Variants in UBAP1L observed in about 807,000 individuals in gnomAD.
UBAP1L encodes the protein ubiquitin-associated protein 1-like.
In UBAP1L, 32 loss-of-function variants were observed where a neutral mutation model predicts 32.1. The ratio of observed to expected loss-of-function variants is 1.00; its 90% CI spans 0.75 to 1.34. The LOEUF (loss-of-function observed/expected upper bound fraction) is 1.34, where lower values mean the gene tolerates loss of function less well. Ranked by LOEUF, UBAP1L falls within the 40% of genes most tolerant of loss-of-function variation. UBAP1L has a pLI of 0.00. For missense variants in UBAP1L, 516 were observed against 540.5 expected (o/e 0.95, Z 0.45); for synonymous variants, 243 against 250.2 (o/e 0.97, Z 0.27).
intron 2 of UBAP1L, among the ~76,000 whole-genome samples, chr15:65,103,563 A>G (rs1313139518): frequency 6.6e-6 from 1 of 152,198 alleles, no homozygotes; most frequent in East Asian, 1.9e-4. Flanking sequence ...TTGGGGAGTG[A>G]GGCAGAAAGA....
chr15:65,101,884 A>G (rs2087243215), intron 3 of UBAP1L, among the ~76,000 whole-genome samples: 1 of 152,344 alleles, frequency 6.6e-6, no homozygotes, highest in East Asian at 1.9e-4. Flanking sequence ...AGGCAGGCAC[A>G]GTGGGAAACG....
In UBAP1L at chr15:65,099,705, G is replaced by T. The variant is rs748894713; in HGVS notation, c.709C>A (p.Pro237Thr). 1.0e-5 allele frequency: 16 copies of T among 1,548,372 alleles called. No individual in the cohort carries two copies. In the South Asian group the frequency reaches 1.8e-4, roughly 17 times the overall value. The change falls in exon 4 of 6, where the codon CCG becomes ACG. Residue 237 changes from proline (P) to threonine (T), a missense_variant. Physicochemically the swap from Pro to Thr is conservative, Grantham distance 38 (BLOSUM62 -1). Coordinates refer to ENST00000559089, the MANE Select transcript of UBAP1L (RefSeq NM_001163692.2). ...CCAAGAGGTGGCAGACAGGTGTACG[G>T]GCTGAGGGACTGAAATACAGACAGA... ...SHKPTVASLS[P>T]YTCLPPLGGA...
intron 2 of UBAP1L, among the ~76,000 whole-genome samples, chr15:65,103,191 T>A (rs962057390): frequency 6.6e-6 from 1 of 152,150 alleles, no homozygotes; most frequent in Non-Finnish European, 1.5e-5. Context: ...TAACCACTAA[T>A]CTTTGTGGAA....
In UBAP1L at chr15:65,099,603, C is replaced by A. The variant is rs774149546; in HGVS notation, c.811G>T (p.Glu271Ter). The change falls in exon 4 of 6, where the codon GAG (glutamate) becomes TAG (stop). Residue 271 changes from glutamate to a stop codon, truncating the protein, a stop_gained. Coordinates refer to ENST00000559089, the MANE Select transcript of UBAP1L (RefSeq NM_001163692.2). LOFTEE classifies it high-confidence loss of function. Reference sequence around the variant, plus strand: ...ACTGGCCCAATGAGGTCTTGCTCCTCCTGGCTCAGGGCGGACAGCAGGTCA... The same window carrying A: ...ACTGGCCCAATGAGGTCTTGCTCCTACTGGCTCAGGGCGGACAGCAGGTCA... ...AADLLSALSQ[E>*]EQDLIGPVVA... 1 of 1,551,562 alleles carries A rather than the reference C, an allele frequency of 6.4e-7. No homozygotes were observed. The highest frequency in any genetic ancestry group is 1.2e-5 in the South Asian group (1 of 84,070).
At position 65,094,620 on chromosome 15, in the gene UBAP1L, A is replaced by C. The variant is rs1431691931; in HGVS notation, c.910-44T>G. ...GAGAGGGAGGGAGGGTAAGAGGAGC[A>C]GCCGGGGCAGCAGACAGGGCAGAGA... On this transcript the variant is annotated intron_variant, in intron 4 of 5. Coordinates refer to ENST00000559089, the MANE Select transcript of UBAP1L (RefSeq NM_001163692.2). The surrounding 1 kb of genome is among the most constrained non-coding windows in gnomAD (Gnocchi z 4.2). The C allele has an allele frequency of 2.1e-6, 3 of 1,435,152 alleles. No individual in the cohort carries two copies. In the South Asian group the frequency reaches 3.7e-5, roughly 18 times the overall value. 88.9% of individuals were successfully genotyped at this position (1,435,152 alleles called of 1,614,324 possible). A position where few individuals can be genotyped will look rare whatever the true frequency, so the allele number is the denominator to read the frequency against.
At chr15:65,114,342 T>C (rs1352074711) in intron 1 of UBAP1L, among the ~76,000 whole-genome samples, 4 of 152,160 alleles carry the variant, frequency 2.6e-5, no homozygotes, top group Non-Finnish European at 5.9e-5. Flanking sequence ...AAATCCTAAT[T>C]CATAATCTCA....
At chr15:65,107,785 A>T (rs2087332878) in intron 1 of UBAP1L, among the ~76,000 whole-genome samples, 2 of 151,712 alleles carry the variant, frequency 1.3e-5, no homozygotes, top group African/African-American at 4.8e-5. Context: ...GTTACCATTT[A>T]TATTAGTATA....
At chr15:65,097,377 C>G (rs1056834168) in intron 4 of UBAP1L, 2 of 152,320 alleles carry the variant, frequency 1.3e-5, no homozygotes, top group East Asian at 3.8e-4. Flanking sequence ...TTTTCAGTAT[C>G]ATCCGAAGGT....
intron 1 of UBAP1L, among the ~76,000 whole-genome samples, chr15:65,107,284 G>T (rs149898980): frequency 6.7e-6 from 1 of 150,360 alleles, no homozygotes; most frequent in Admixed American, 6.6e-5. Flanking sequence ...CACAGTGGCC[G>T]AGATCATGCT....
Position 65,102,743 on chromosome 15 carries a change from T to G in UBAP1L, c.121-59A>C, listed in dbSNP as rs1458362033. The stretch of plus-strand genomic sequence containing the variant: ...AACCAGGACCCCGGGGGCACAACAC[T>G]AACCCCTGGCCTGGGGGACCCTGTT... On this transcript the variant is annotated intron_variant, in intron 2 of 5. Coordinates refer to ENST00000559089, the MANE Select transcript of UBAP1L (RefSeq NM_001163692.2). The surrounding 1 kb of genome is among the most constrained non-coding windows in gnomAD (Gnocchi z 5.0). 3 of 1,459,388 alleles carry G rather than the reference T, an allele frequency of 2.1e-6. No homozygotes were observed. Among genetic ancestry groups the G allele is most frequent in the Non-Finnish European group, 2.8e-6 (3 of 1,082,834 alleles). 90.4% of individuals were successfully genotyped at this position (1,459,388 alleles called of 1,614,324 possible). A position where few individuals can be genotyped will look rare whatever the true frequency, so the allele number is the denominator to read the frequency against.
intron 1 of UBAP1L, among the ~76,000 whole-genome samples, chr15:65,107,018 AAT>A (rs1225842529): frequency 2.0e-5 from 3 of 152,238 alleles, no homozygotes; most frequent in Admixed American, 6.5e-5. Flanking sequence ...ATGCAAAAAA[AAT>A]CTTAAAAATA....
chr15:65,103,862 T>C (rs184252694), intron 2 of UBAP1L, among the ~76,000 whole-genome samples: 2 of 152,128 alleles, frequency 1.3e-5, no homozygotes, highest in South Asian at 2.1e-4. Context: ...AGCTAAGAAA[T>C]AGCCAGCAGC....
chr15:65,107,844 A>T (rs961491741), intron 1 of UBAP1L, among the ~76,000 whole-genome samples: 1 of 152,196 alleles, frequency 6.6e-6, no homozygotes, highest in Non-Finnish European at 1.5e-5. Context: ...CGCTACACGG[A>T]AAACTATAAA....
Position 65,106,113 on chromosome 15 carries a change from C to T in UBAP1L, c.103G>A (p.Val35Ile). The T allele has an allele frequency of 2.6e-6, 4 of 1,551,396 alleles. No homozygotes were observed. The highest frequency in any genetic ancestry group is 3.5e-6 in the Non-Finnish European group (4 of 1,146,914). The change falls in exon 2 of 6, where the codon GTT (valine) becomes ATT (isoleucine). Residue 35 changes from valine (V) to isoleucine (I), a missense_variant. Val to Ile is a conservative substitution (Grantham distance 29). Coordinates refer to ENST00000559089, the MANE Select transcript of UBAP1L (RefSeq NM_001163692.2). ...PELSVPACGE[V>I]LLGSMHDFSL... is the part of the protein sequence containing the mutation. ...ACACTTACCATAGAACCCAGCAGAA[C>T]TTCCCCGCAGGCCGGGACGCTGAGT...
chr15:65,110,440 G>A (rs1182941745), intron 1 of UBAP1L, among the ~76,000 whole-genome samples: 1 of 151,658 alleles, frequency 6.6e-6, no homozygotes, highest in African/African-American at 2.4e-5. Context: ...CACTCTGGGA[G>A]GCCGAGGTGG....
chr15:65,105,603 G>T, intron 2 of UBAP1L: 1 of 626,190 alleles, frequency 1.6e-6, no homozygotes, highest in South Asian at 1.5e-5. Flanking sequence ...AAATTTTCGT[G>T]TTCACTTTAA....
At chr15:65,099,425 C>T in intron 4 of UBAP1L, 80 bp downstream of exon 4, 1 of 1,439,350 alleles carries the variant, frequency 6.9e-7, no homozygotes, top group Non-Finnish European at 9.4e-7. Flanking sequence ...GCCTATGTCA[C>T]AGCTCAAAAG....
chr15:65,102,448 G>T lies in UBAP1L; in HGVS notation c.357C>A (p.Ser119Arg). The T allele has an allele frequency of 7.0e-7, 1 of 1,421,968 alleles. No homozygotes were observed. 88.1% of individuals were successfully genotyped at this position (1,421,968 alleles called of 1,614,324 possible). A position where few individuals can be genotyped will look rare whatever the true frequency, so the allele number is the denominator to read the frequency against. Residue 119 changes from serine (S) to arginine (R), a missense_variant, in exon 3 of 6, where the codon AGC becomes AGA. Coordinates refer to ENST00000559089, the MANE Select transcript of UBAP1L (RefSeq NM_001163692.2). The surrounding 1 kb of genome is among the most constrained non-coding windows in gnomAD (Gnocchi z 5.0). Reference protein sequence around the residue: ...GEDEAEASSGSEEEPAPSSLQ... With the variant: ...GEDEAEASSGREEEPAPSSLQ... ...GGCTGCTGGGGGCCGGCTCTTCCTC[G>T]CTGCCAGAGGAGGCTTCTGCCTCGT...
chr15:65,112,878 C>G (rs1454495031), intron 1 of UBAP1L, among the ~76,000 whole-genome samples: 1 of 152,168 alleles, frequency 6.6e-6, no homozygotes, highest in Non-Finnish European at 1.5e-5. Flanking sequence ...TTACCACCAC[C>G]ATCTCAAATT....
Sources: allele counts gnomAD v4.1 joint callset (sites outside exome capture counted in the v4.1 genomes callset), GRCh38; gene constraint gnomAD v4.1.1; non-coding constraint Gnocchi (gnomAD v3.1); transcripts MANE v1.5; gene names NCBI Gene and HGNC (gene_info 2026-07-23, HGNC 2026-07-21).